Variants in MAFK observed in about 807,000 individuals in gnomAD.
MAFK encodes MAF bZIP transcription factor K.
In MAFK, 1 loss-of-function variant was observed where a neutral mutation model predicts 9.2. The observed-to-expected ratio is 0.11, with a 90% CI of 0.04 to 0.52. The LOEUF is 0.52. MAFK is among the 20% of genes least tolerant of loss of function. The pLI is 0.94. For synonymous variants in MAFK, 110 were observed against 107.4 expected (o/e 1.02, Z -0.15); for missense variants, 207 against 236.0 (o/e 0.88, Z 0.81).
intron 1 of MAFK, 141 bp from the exon 2 acceptor site, chr7:1,539,007 CG>C: frequency 1.5e-6 from 1 of 683,508 alleles, no homozygotes; most frequent in Admixed American, 2.7e-5. Flanking sequence ...GGGCTGGGCC[CG>C]GATGGTGCCC....
In MAFK at chr7:1,541,699, C is replaced by T. The variant is rs954490024; in HGVS notation, c.*1324C>T. 1 of 152,228 alleles carries T rather than the reference C, an allele frequency of 6.6e-6. No homozygotes were observed. The highest frequency in any genetic ancestry group is 2.1e-4 in the South Asian group (1 of 4,834). The allele number at this position is 152,228 out of a possible 1,614,324, so 9.4% of individuals were successfully genotyped here. On this transcript the variant is annotated 3_prime_UTR_variant, in exon 3 of 3. Transcript: ENST00000343242. ...GGTGTGGCTGGCCTCAGCACTCAGT[C>T]CTCACCCGGAGCCTTTGCCTGCTCC... is the stretch of plus-strand genomic sequence containing the variant.
At chr7:1,535,814 TG>T (rs1389885932) in intron 1 of MAFK, among the ~76,000 whole-genome samples, 1 of 152,210 alleles carries the variant, frequency 6.6e-6, no homozygotes, top group Admixed American at 6.5e-5. Flanking sequence ...GGTGCCTTCC[TG>T]GGCGGAGCCG....
intron 1 of MAFK, chr7:1,537,417 C>T: frequency 1.0e-6 from 1 of 985,530 alleles, no homozygotes. Context: ...CGCAGTGGAG[C>T]TGGAAGCGGT....
rs923923561 is a variant in MAFK, at chr7:1,532,743, T to A, written c.-45+1845T>A. ...GATGGCTGCGTTTGTTTACAGTCTCTGGCAAAGCTGTTTGCCACCCAGACG... is the reference window on the plus strand; with the variant it reads ...GATGGCTGCGTTTGTTTACAGTCTCAGGCAAAGCTGTTTGCCACCCAGACG... On this transcript the variant is annotated intron_variant, in intron 1 of 2. Coordinates refer to ENST00000343242, the MANE Select transcript of MAFK (RefSeq NM_002360.4). This position sits in a 1 kb window ranked among gnomAD's most constrained non-coding sequence, Gnocchi z 4.5. Among the ~76,000 whole-genome samples, 1 of 152,212 alleles carries A rather than the reference T, an allele frequency of 6.6e-6. No homozygotes were observed. The highest frequency in any genetic ancestry group is 2.4e-5 in the African/African-American group (1 of 41,460).
At position 1,540,674 on chromosome 7, in the gene MAFK, G is replaced by A; in HGVS notation, c.*299G>A. ...CCCGTGGGAGTCGGGACATATAATG[G>A]AAAGGCCCTCGGGAAGTTCCGCGTC... On this transcript the variant is annotated 3_prime_UTR_variant, in exon 3 of 3. Transcript: ENST00000343242. 1 of 406,072 alleles carries A rather than the reference G, an allele frequency of 2.5e-6. No individual in the cohort carries two copies. The highest frequency in any genetic ancestry group is 4.4e-6 in the Non-Finnish European group (1 of 225,650). 25.2% of individuals were successfully genotyped at this position (406,072 alleles called of 1,614,324 possible).
In MAFK at chr7:1,540,441, G is replaced by A. The variant is rs999999344; in HGVS notation, c.*66G>A. On this transcript the variant is annotated 3_prime_UTR_variant, in exon 3 of 3. Coordinates refer to ENST00000343242, the MANE Select transcript of MAFK (RefSeq NM_002360.4). The stretch of plus-strand genomic sequence containing the variant: ...GCAGGCGGGTGGGGGCACACCCCTC[G>A]TACCTGTCACTGGGATGCAGACTCT... 161 of 1,296,654 alleles carry A rather than the reference G, an allele frequency of 1.2e-4. 1 individual carries two copies. Among genetic ancestry groups the A allele is most frequent in the South Asian group, 2.3e-4 (15 of 65,520 alleles). 80.3% of individuals were successfully genotyped at this position (1,296,654 alleles called of 1,614,324 possible). A position where few individuals can be genotyped will look rare whatever the true frequency, so the allele number is the denominator to read the frequency against.
chr7:1,531,787 C>CTGGG (rs1783913854), intron 1 of MAFK, among the ~76,000 whole-genome samples: 1 of 151,962 alleles, frequency 6.6e-6, no homozygotes, highest in Admixed American at 6.6e-5. Context: ...GGCCCTTGAC[C>CTGGG]TGGGTCCGCC....
At chr7:1,538,592 AC>A in intron 1 of MAFK, 1 of 292,842 alleles carries the variant, frequency 3.4e-6, no homozygotes, top group Non-Finnish European at 5.1e-6. Flanking sequence ...GGTCCGGAGC[AC>A]CGGAGCCTTT....
At chr7:1,537,540 A>G in intron 1 of MAFK, 2 of 985,294 alleles carry the variant, frequency 2.0e-6, no homozygotes, top group Non-Finnish European at 2.4e-6. Context: ...CTCCACTGTC[A>G]CCCTCACCCC....
intron 1 of MAFK, chr7:1,538,787 G>C (rs1051674179): frequency 4.4e-6 from 1 of 229,804 alleles, no homozygotes; most frequent in South Asian, 5.2e-5. Context: ...CACTGCCGGC[G>C]CCTGCTGGTC....
rs1784210603 is a variant in MAFK at position 1,542,274 on chromosome 7, T to A, written c.*1899T>A. ...TATATTCACAGTTTATCTACAGATT[T>A]TTCGTAACAATCTTTCTTTTCCAGT... On this transcript the variant is annotated 3_prime_UTR_variant, in exon 3 of 3. Transcript: ENST00000343242. 1 of 152,658 alleles carries A rather than the reference T, an allele frequency of 6.6e-6. No individual in the cohort carries two copies. Among genetic ancestry groups the A allele is most frequent in the Admixed American group, 6.5e-5 (1 of 15,290 alleles). 9.5% of individuals were successfully genotyped at this position (152,658 alleles called of 1,614,324 possible).
Position 1,540,400 on chromosome 7 carries a change from G to A in MAFK, c.*25G>A, listed in dbSNP as rs770208378. ...GTGCCGGCCGGGGGCGGGGGGTGGC[G>A]GGCGGCGGGCGGCGGGCAGGCGGGT... On this transcript the variant is annotated 3_prime_UTR_variant, in exon 3 of 3. Coordinates refer to ENST00000343242, the MANE Select transcript of MAFK (RefSeq NM_002360.4). 2.1e-5 allele frequency: 27 copies of A among 1,303,824 alleles called. 1 individual carries two copies. The highest frequency in any genetic ancestry group is 5.5e-4 in the Middle Eastern group (2 of 3,626). The allele number at this position is 1,303,824 out of a possible 1,614,324, so 80.8% of individuals were successfully genotyped here. A position where few individuals can be genotyped will look rare whatever the true frequency, so the allele number is the denominator to read the frequency against.
Position 1,530,870 on chromosome 7 carries a change from G to A in MAFK, c.-73G>A, listed in dbSNP as rs1783886020. On this transcript the variant is annotated 5_prime_UTR_variant, in exon 1 of 3. Coordinates refer to ENST00000343242, the MANE Select transcript of MAFK (RefSeq NM_002360.4). ...CAGCGCGTGCCCGCGAGGAGCCGCC[G>A]CGCGCCCGCGCCCTCCGCGCGACGC... 7.1e-6 allele frequency: 1 copy of A among 140,394 alleles called. No individual in the cohort carries two copies. Among genetic ancestry groups the A allele is most frequent in the African/African-American group, 2.5e-5 (1 of 39,468 alleles). The allele number at this position is 140,394 out of a possible 1,614,324, so 8.7% of individuals were successfully genotyped here.
chr7:1,537,814 G>T (rs1201690197), intron 1 of MAFK: 11 of 519,066 alleles, frequency 2.1e-5, no homozygotes, highest in Non-Finnish European at 2.7e-5. Flanking sequence ...CAGGGTGTGG[G>T]GAGGGTCCTG....
rs768657203 is a variant in MAFK at position 1,534,616 on chromosome 7, G to A, written c.-45+3718G>A. 4 of 456,064 alleles carry A rather than the reference G, an allele frequency of 8.8e-6. No homozygotes were observed. The highest frequency in any genetic ancestry group is 2.0e-5 in the African/African-American group (1 of 50,038). The allele number at this position is 456,064 out of a possible 1,614,324, so 28.3% of individuals were successfully genotyped here. On this transcript the variant is annotated intron_variant, in intron 1 of 2. Transcript: ENST00000343242. The surrounding 1 kb of genome is among the most constrained non-coding windows in gnomAD (Gnocchi z 4.3). The stretch of plus-strand genomic sequence containing the variant: ...GCATCCCACATCCTCGGAGACCCGC[G>A]GAGAATAGAAGTGGAAGGGCCACTC...
chr7:1,534,701 T>C lies in MAFK; in HGVS notation c.-45+3803T>C, dbSNP rs1783985865. ...TGGGGCATGGAGTCTGTGTCATCAT[T>C]CACCCCTTGGGCAAGAACAAGTGAC... On this transcript the variant is annotated intron_variant, in intron 1 of 2. Transcript: ENST00000343242. The surrounding 1 kb of genome is among the most constrained non-coding windows in gnomAD (Gnocchi z 4.3). The C allele has an allele frequency of 4.4e-6, 2 of 454,176 alleles. No homozygotes were observed. The highest frequency in any genetic ancestry group is 8.9e-6 in the Non-Finnish European group (2 of 225,530). The allele number at this position is 454,176 out of a possible 1,614,324, so 28.1% of individuals were successfully genotyped here. A position where few individuals can be genotyped will look rare whatever the true frequency, so the allele number is the denominator to read the frequency against.
rs182291467 is a variant in MAFK at position 1,532,579 on chromosome 7, G to A, written c.-45+1681G>A. ...CGACTCCCCAGGTGCTGGTAAACCC[G>A]GGAGCCAGCGTTTACCGAGGGTCAG... On this transcript the variant is annotated intron_variant, in intron 1 of 2. Coordinates refer to ENST00000343242, the MANE Select transcript of MAFK (RefSeq NM_002360.4). The surrounding 1 kb of genome is among the most constrained non-coding windows in gnomAD (Gnocchi z 4.5). Among the ~76,000 whole-genome samples the A allele has an allele frequency of 1.1e-3, 162 of 152,332 alleles. No homozygotes were observed. Among genetic ancestry groups the A allele is most frequent in the African/African-American group, 3.7e-3 (152 of 41,586 alleles).
At chr7:1,533,194 T>G (rs1454641429) in intron 1 of MAFK, among the ~76,000 whole-genome samples, 2 of 151,706 alleles carry the variant, frequency 1.3e-5, no homozygotes, top group East Asian at 3.9e-4. Flanking sequence ...GCCGGTGGGG[T>G]CTGGTGTAGA....
At position 1,542,562 on chromosome 7, in the gene MAFK, C is replaced by T. The variant is rs1022978396; in HGVS notation, c.*2187C>T. On this transcript the variant is annotated 3_prime_UTR_variant, in exon 3 of 3. Coordinates refer to ENST00000343242, the MANE Select transcript of MAFK (RefSeq NM_002360.4). ...GCTGGAGAAGGGACTCCCTGGTCCCCAGGGTGGACGGAGCCGCTGTCACCG... is the reference window on the plus strand; with the variant it reads ...GCTGGAGAAGGGACTCCCTGGTCCCTAGGGTGGACGGAGCCGCTGTCACCG... 1 of 152,300 alleles carries T rather than the reference C, an allele frequency of 6.6e-6. No homozygotes were observed. The highest frequency in any genetic ancestry group is 6.5e-5 in the Admixed American group (1 of 15,290). 9.4% of individuals were successfully genotyped at this position (152,300 alleles called of 1,614,324 possible).
Sources: allele counts gnomAD v4.1 joint callset (sites outside exome capture counted in the v4.1 genomes callset), GRCh38; gene constraint gnomAD v4.1.1; non-coding constraint Gnocchi (gnomAD v3.1); transcripts MANE v1.5; gene names NCBI Gene and HGNC (gene_info 2026-07-23, HGNC 2026-07-21).